Variants in CHD5 observed in about 807,000 individuals in gnomAD.
CHD5 encodes the protein ATP-dependent chromatin remodeler CHD5.
A neutral mutation model predicts 230.3 loss-of-function variants in CHD5; 69 were observed. That is an observed-to-expected ratio of 0.30 (90% CI 0.25 to 0.37). The LOEUF (loss-of-function observed/expected upper bound fraction) is 0.37. Among genes scored for constraint, CHD5 ranks in the 10% least tolerant of loss-of-function variants. The probability of loss-of-function intolerance (pLI) is 1.00; values close to 1 mark genes in which losing one functional copy is unlikely to be tolerated. For missense variants in CHD5, 1,827 were observed against 2,622.8 expected (o/e 0.70, Z 6.63); for synonymous variants, 1,064 against 1,065.9 (o/e 1.00, Z 0.03).
chr1:6,141,165 T>C (rs186516645), intron 15 of CHD5, among the ~76,000 whole-genome samples: 8 of 150,740 alleles, frequency 5.3e-5, no homozygotes, highest in Non-Finnish European at 8.9e-5. Context: ...GTGCCTGTAA[T>C]CCCGGCGACT....
In CHD5 at chr1:6,148,759, C is replaced by A. The variant is rs1390889545; in HGVS notation, c.1383+95G>T. ...GAGGCGGGGCAGGAGCCGGCAGGGG[C>A]GGGGCCTTTTGAGGAGGGCAGGCCT... On this transcript the variant is annotated intron_variant, in intron 9 of 41. Coordinates refer to ENST00000262450, the MANE Select transcript of CHD5 (RefSeq NM_015557.3). 5 of 873,976 alleles carry A rather than the reference C, an allele frequency of 5.7e-6. No homozygotes were observed. The African/African-American group carries it at 7.1e-5, about 12-fold the overall frequency. The allele number at this position is 873,976 out of a possible 1,614,324, so 54.1% of individuals were successfully genotyped here.
chr1:6,160,622 A>G (rs546167965), intron 2 of CHD5, among the ~76,000 whole-genome samples: 3 of 152,404 alleles, frequency 2.0e-5, no homozygotes, highest in Non-Finnish European at 4.4e-5. Context: ...TTAATGCAGC[A>G]GGCACATCAC....
intron 5 of CHD5, among the ~76,000 whole-genome samples, chr1:6,153,029 A>G (rs1202157644): frequency 5.9e-5 from 9 of 152,240 alleles, no homozygotes; most frequent in Admixed American, 5.9e-4. Context: ...AAGGGCCAGC[A>G]GGGCTGAGGC....
intron 1 of CHD5, among the ~76,000 whole-genome samples, chr1:6,168,958 G>A (rs1311917226): frequency 6.6e-6 from 1 of 151,614 alleles, no homozygotes; most frequent in Middle Eastern, 3.2e-3. Context: ...GGTGGAGGTT[G>A]CAGTGAGCTG....
rs1385195867 is a variant in CHD5 at position 6,144,107 on chromosome 1, C to T, written c.1851G>A (p.Leu617=). 4.3e-6 allele frequency: 7 copies of T among 1,614,194 alleles called. No individual in the cohort carries two copies. The highest frequency in any genetic ancestry group is 5.1e-6 in the Non-Finnish European group (6 of 1,180,032). ...DVHYLIKWKD[L]PYDQCTWEID... is the part of the protein sequence containing the mutation. ...TCTCCCAGGTGCACTGGTCGTAGGG[C>T]AGGTCTTTCCACTTGATCAGGTAGT... is the stretch of plus-strand genomic sequence containing the variant. The change falls in exon 12 of 42, where the codon CTG becomes CTA. Residue 617 remains leucine, a synonymous_variant. Coordinates refer to ENST00000262450, the MANE Select transcript of CHD5 (RefSeq NM_015557.3).
chr1:6,143,559 C>A (rs575792564), intron 13 of CHD5, among the ~76,000 whole-genome samples: 2 of 152,194 alleles, frequency 1.3e-5, no homozygotes, highest in Non-Finnish European at 2.9e-5. Context: ...CAGGGCCAGG[C>A]GCTAGTGGAC....
intron 1 of CHD5, among the ~76,000 whole-genome samples, chr1:6,171,033 G>C (rs1333666971): frequency 6.6e-6 from 1 of 152,228 alleles, no homozygotes; most frequent in African/African-American, 2.4e-5. Flanking sequence ...CAATCTCGAG[G>C]GGGGGCCTCT....
chr1:6,122,735 G>A (rs1231485239), intron 31 of CHD5, among the ~76,000 whole-genome samples: 1 of 152,120 alleles, frequency 6.6e-6, no homozygotes, highest in Non-Finnish European at 1.5e-5. Context: ...AAAATCTATC[G>A]ACAGCGCAAT....
intron 1 of CHD5, among the ~76,000 whole-genome samples, chr1:6,172,874 C>T (rs1667360381): frequency 1.3e-5 from 2 of 152,262 alleles, no homozygotes; most frequent in Non-Finnish European, 2.9e-5. Context: ...AGCAAGGACG[C>T]AGCCGCCAGG....
At position 6,105,716 on chromosome 1, in the gene CHD5, G is replaced by A. The variant is rs574977332; in HGVS notation, c.*47-289C>T. Among the ~76,000 whole-genome samples the A allele has an allele frequency of 1.2e-4, 18 of 152,352 alleles. 1 individual carries two copies. The South Asian group carries it at 3.5e-3, about 30-fold the overall frequency. Reference sequence around the variant, plus strand: ...ACAGGGACAGACACAGCGTAGTGGAGGCTGGTGGCCCCAGAGAAGACCAGA... The same window carrying A: ...ACAGGGACAGACACAGCGTAGTGGAAGCTGGTGGCCCCAGAGAAGACCAGA... On this transcript the variant is annotated intron_variant, in intron 41 of 41. Coordinates refer to ENST00000262450, the MANE Select transcript of CHD5 (RefSeq NM_015557.3). This position sits in a 1 kb window ranked among gnomAD's most constrained non-coding sequence, Gnocchi z 4.8.
In CHD5 at chr1:6,167,262, C is replaced by T. The variant is rs1667270446; in HGVS notation, c.207+888G>A. ...CTGGTGGAGCTGACAGCCCTGGATT[C>T]AGATCTCAGCACCACCACTGTGTCA... On this transcript the variant is annotated intron_variant, in intron 2 of 41. Transcript: ENST00000262450. This position sits in a 1 kb window ranked among gnomAD's most constrained non-coding sequence, Gnocchi z 4.5. Among the ~76,000 whole-genome samples, 1 of 152,198 alleles carries T rather than the reference C, an allele frequency of 6.6e-6. No individual in the cohort carries two copies.
intron 9 of CHD5, among the ~76,000 whole-genome samples, chr1:6,147,958 C>T (rs1004902660): frequency 1.3e-5 from 2 of 152,048 alleles, no homozygotes; most frequent in Non-Finnish European, 2.9e-5. Context: ...CCATCCCAGC[C>T]CCTCAGGGAA....
In CHD5 at chr1:6,129,600, A is replaced by G. The variant is rs1023306988; in HGVS notation, c.3388-531T>C. 6.6e-6 allele frequency among the ~76,000 whole-genome samples: 1 copy of G among 152,136 alleles called. No homozygotes were observed. Among genetic ancestry groups the G allele is most frequent in the African/African-American group, 2.4e-5 (1 of 41,426 alleles). On this transcript the variant is annotated intron_variant, in intron 22 of 41. Transcript: ENST00000262450. The surrounding 1 kb of genome is among the most constrained non-coding windows in gnomAD (Gnocchi z 6.8). The stretch of plus-strand genomic sequence containing the variant: ...TGGCCGTGTATATCTGTGTATGTGC[A>G]TGGGCGCACACACATGTGAATGAGA...
In CHD5 at chr1:6,121,015, G is replaced by A; in HGVS notation, c.4912+90C>T. On this transcript the variant is annotated intron_variant, in intron 33 of 41. Coordinates refer to ENST00000262450, the MANE Select transcript of CHD5 (RefSeq NM_015557.3). This position sits in a 1 kb window ranked among gnomAD's most constrained non-coding sequence, Gnocchi z 4.5. ...CTACCTCTCTGCCAGGGAGAAATGA[G>A]CGGAAGTACAGCCACCTGCCCTTCT... 4 of 1,385,274 alleles carry A rather than the reference G, an allele frequency of 2.9e-6. No individual in the cohort carries two copies. The South Asian group carries it at 6.1e-5, about 21-fold the overall frequency. The allele number at this position is 1,385,274 out of a possible 1,614,324, so 85.8% of individuals were successfully genotyped here. A position where few individuals can be genotyped will look rare whatever the true frequency, so the allele number is the denominator to read the frequency against.
chr1:6,150,407 T>C (rs969818718), intron 7 of CHD5, among the ~76,000 whole-genome samples: 4 of 139,778 alleles, frequency 2.9e-5, no homozygotes, highest in Admixed American at 2.1e-4. Context: ...GATGGATGGA[T>C]GGACAAGTGG....
rs762825059 is a variant in CHD5, at chr1:6,135,189, A to G, written c.2870+41T>C. ...GACCCAGGAGACCAGCCCAGGGGAA[A>G]GGGCGAGCACAGGCTGCTCCGGGGT... On this transcript the variant is annotated intron_variant, in intron 18 of 41. Coordinates refer to ENST00000262450, the MANE Select transcript of CHD5 (RefSeq NM_015557.3). The G allele has an allele frequency of 1.7e-5, 28 of 1,611,112 alleles. 1 individual carries two copies. In the South Asian group the frequency reaches 3.0e-4, roughly 17 times the overall value.
At chr1:6,150,766 T>C (rs1482366381) in intron 7 of CHD5, among the ~76,000 whole-genome samples, 3 of 152,104 alleles carry the variant, frequency 2.0e-5, no homozygotes, top group African/African-American at 7.2e-5. Context: ...GCAAATGCCC[T>C]GGGGTAGCTC....
Position 6,155,708 on chromosome 1 carries a change from A to G in CHD5, c.397T>C (p.Ser133Pro). 1.9e-6 allele frequency: 3 copies of G among 1,613,650 alleles called. No individual in the cohort carries two copies. Among genetic ancestry groups the G allele is most frequent in the East Asian group, 2.2e-5 (1 of 44,850 alleles). The part of the protein sequence containing the change: ...NDDGCLKEPK[S>P]SGQLMAEWGL... ...CACTCGGCCATGAGCTGCCCCGAGGACTTGGGCTCCTACAGAGACCCAGGC... is the reference window on the plus strand; with the variant it reads ...CACTCGGCCATGAGCTGCCCCGAGGGCTTGGGCTCCTACAGAGACCCAGGC... Residue 133 changes from serine (S) to proline (P), a missense_variant, in exon 4 of 42, where the codon TCC becomes CCC. By Grantham distance (74) the Ser-to-Pro change is moderately conservative. Around this residue, in one of 14 missense-constraint regions of CHD5, gnomAD observed 657 missense variants for 816.4 expected, o/e 0.80. Transcript: ENST00000262450. The surrounding 1 kb of genome is among the most constrained non-coding windows in gnomAD (Gnocchi z 4.0).
chr1:6,163,155 C>T (rs1296478424), intron 2 of CHD5, among the ~76,000 whole-genome samples: 2 of 152,214 alleles, frequency 1.3e-5, no homozygotes, highest in African/African-American at 4.8e-5. Flanking sequence ...ACAGAATGGG[C>T]TCAGACAACG....
Sources: allele counts gnomAD v4.1 joint callset (sites outside exome capture counted in the v4.1 genomes callset), GRCh38; gene constraint gnomAD v4.1.1; regional missense constraint gnomAD v4.1.1; non-coding constraint Gnocchi (gnomAD v3.1); transcripts MANE v1.5; gene names NCBI Gene and HGNC (gene_info 2026-07-23, HGNC 2026-07-21).